SSH1: variants seen among roughly 807,000 people sequenced by gnomAD.
SSH1 encodes the protein protein phosphatase Slingshot homolog 1.
Under a neutral mutation model 79.7 loss-of-function variants are expected in SSH1, and 43 were observed. That is an observed-to-expected ratio of 0.54 (90% CI 0.42 to 0.70). The LOEUF is 0.70. Among genes scored for constraint, SSH1 ranks in the 30% least tolerant of loss-of-function variants. The probability of loss-of-function intolerance (pLI) is 0.00; values close to 1 mark genes in which losing one functional copy is unlikely to be tolerated. For synonymous variants in SSH1, 599 were observed against 538.3 expected (o/e 1.11, Z -1.56); for missense variants, 1,206 against 1,358.8 (o/e 0.89, Z 1.77).
intron 2 of SSH1, chr12:108,827,185 C>T: frequency 7.1e-7 from 1 of 1,403,150 alleles, no homozygotes. Context: ...AACCCCAGGC[C>T]CCCAAAATAT....
chr12:108,836,214 A>G (rs570663969), intron 2 of SSH1, among the ~76,000 whole-genome samples: 1 of 152,178 alleles, frequency 6.6e-6, no homozygotes, highest in East Asian at 1.9e-4. Flanking sequence ...TGAAGGTACC[A>G]GTCTGAACTC....
intron 2 of SSH1, among the ~76,000 whole-genome samples, chr12:108,824,928 C>T (rs943051788): frequency 6.6e-6 from 1 of 152,102 alleles, no homozygotes; most frequent in Admixed American, 6.6e-5. Flanking sequence ...TTAACAACGG[C>T]TTTGCGGGAG....
intron 2 of SSH1, among the ~76,000 whole-genome samples, chr12:108,831,680 C>G (rs1289982896): frequency 6.6e-6 from 1 of 152,182 alleles, no homozygotes; most frequent in African/African-American, 2.4e-5. Flanking sequence ...AACAGAGAGG[C>G]ATAAGGGGCA....
At chr12:108,810,582 T>G (rs58980342) in intron 6 of SSH1, among the ~76,000 whole-genome samples, 5,863 of 152,230 alleles carry the variant, frequency 0.039, 241 homozygotes, top group East Asian at 0.22. Context: ...AATATCCCCA[T>G]AACCCCATCA....
At chr12:108,815,100 G>A (rs1406102534) in intron 5 of SSH1, among the ~76,000 whole-genome samples, 1 of 152,182 alleles carries the variant, frequency 6.6e-6, no homozygotes, top group Non-Finnish European at 1.5e-5. Context: ...TGAGCAAGGT[G>A]GTGTACAGGA....
chr12:108,842,128 CAAAAA>C (rs1397683167), intron 2 of SSH1, among the ~76,000 whole-genome samples: 3 of 151,628 alleles, frequency 2.0e-5, no homozygotes, highest in African/African-American at 7.3e-5. Context: ...GACTCTGTCT[CAAAAA>C]GAAGAAAAGA....
intron 2 of SSH1, among the ~76,000 whole-genome samples, chr12:108,845,197 GAA>G (rs532428327): frequency 2.5e-4 from 15 of 59,814 alleles, no homozygotes; most frequent in African/African-American, 3.6e-4. Context: ...CAACAGAGCA[GAA>G]AAAAAAAAAA....
rs926688703 is a variant in SSH1 at position 108,852,576 on chromosome 12, C to A, written c.110+62G>T. On this transcript the variant is annotated intron_variant, in intron 2 of 14. Transcript: ENST00000326495. ...GAACGTTTTCCCTTTGGGAGAGGAA[C>A]AAGAGCATTCCTTACCTGCTTGGGA... 3 of 1,598,878 alleles carry A rather than the reference C, an allele frequency of 1.9e-6. No individual in the cohort carries two copies. In the African/African-American group the frequency reaches 4.0e-5, roughly 21 times the overall value.
In SSH1 at chr12:108,809,769, AAC is replaced by A. The variant is rs1320039647; in HGVS notation, c.471-13_471-12del. 1 of 1,612,752 alleles carries A rather than the reference AAC, an allele frequency of 6.2e-7. No homozygotes were observed. Among genetic ancestry groups the A allele is most frequent in the African/African-American group, 1.3e-5 (1 of 74,978 alleles). ...CTCACGCTGAACCCACTGAGAATAA[AAC>A]ACAGAGAGAAAGGTATCTGTGGTGA... On this transcript the variant is annotated splice_polypyrimidine_tract_variant and intron_variant, in intron 6 of 14. Coordinates refer to ENST00000326495, the MANE Select transcript of SSH1 (RefSeq NM_018984.4).
intron 10 of SSH1, 100 bp from the exon 11 acceptor site, chr12:108,802,468 A>G: frequency 9.4e-7 from 1 of 1,064,766 alleles, no homozygotes; most frequent in Non-Finnish European, 1.4e-6. Flanking sequence ...GTGAGGTCTT[A>G]TTTCATGGCC....
intron 2 of SSH1, among the ~76,000 whole-genome samples, chr12:108,841,636 C>T (rs763346030): frequency 1.5e-4 from 23 of 151,356 alleles, no homozygotes; most frequent in Non-Finnish European, 2.8e-4. Context: ...GGTGAAACCC[C>T]GTCTCTACTA....
chr12:108,821,361 G>A (rs1409856869), intron 3 of SSH1, among the ~76,000 whole-genome samples: 1 of 151,676 alleles, frequency 6.6e-6, no homozygotes, highest in Non-Finnish European at 1.5e-5. Context: ...GCCACTGCAC[G>A]CCAGCCTGGG....
Position 108,788,413 on chromosome 12 carries a change from T to G in SSH1, c.2725A>C (p.Ser909Arg). The part of the protein sequence containing the change: ...PPFFYRLDHT[S>R]SFSKDFLKTI... ...TTCAGAAAGTCTTTTGAGAAACTACTGGTGTGGTCCAGGCGGTAGAAGAAA... is the reference window on the plus strand; with the variant it reads ...TTCAGAAAGTCTTTTGAGAAACTACGGGTGTGGTCCAGGCGGTAGAAGAAA... Residue 909 changes from serine to arginine, a missense_variant, in exon 15 of 15, where the codon AGT becomes CGT. By Grantham distance (110) the Ser-to-Arg change is moderately radical. Transcript: ENST00000326495. 6.2e-7 allele frequency: 1 copy of G among 1,607,560 alleles called. No individual in the cohort carries two copies. Among genetic ancestry groups the G allele is most frequent in the Middle Eastern group, 1.7e-4 (1 of 6,028 alleles).
At chr12:108,820,396 C>T (rs930743476) in intron 3 of SSH1, among the ~76,000 whole-genome samples, 7 of 152,184 alleles carry the variant, frequency 4.6e-5, no homozygotes, top group African/African-American at 9.7e-5. Flanking sequence ...TGCAACACAA[C>T]GACAACGACC....
chr12:108,831,864 C>T (rs1443026296), intron 2 of SSH1, among the ~76,000 whole-genome samples: 9 of 152,098 alleles, frequency 5.9e-5, no homozygotes, highest in Non-Finnish European at 1.5e-5. Flanking sequence ...CTTGATCATC[C>T]CTGAGTGAAC....
chr12:108,818,966 C>CTGT (rs1181321177), intron 3 of SSH1, among the ~76,000 whole-genome samples: 1 of 152,180 alleles, frequency 6.6e-6, no homozygotes, highest in African/African-American at 2.4e-5. Context: ...GTTGGCCAGG[C>CTGT]TGGTCTCGAA....
At chr12:108,832,926 G>C (rs2038508868) in intron 2 of SSH1, among the ~76,000 whole-genome samples, 1 of 152,148 alleles carries the variant, frequency 6.6e-6, no homozygotes, top group Non-Finnish European at 1.5e-5. Context: ...GTTATACTTA[G>C]GGAAAGGGGT....
chr12:108,784,480 G>A lies in SSH1; in HGVS notation c.*3508C>T, dbSNP rs1287340203. 1 of 152,244 alleles carries A rather than the reference G, an allele frequency of 6.6e-6. No individual in the cohort carries two copies. The highest frequency in any genetic ancestry group is 2.4e-5 in the African/African-American group (1 of 41,454). The allele number at this position is 152,244 out of a possible 1,614,324, so 9.4% of individuals were successfully genotyped here. ...CAGCAGAGAGCTATTCAACAGCCCA[G>A]AGGTTGGCTGGGGTCCCTGCATGGA... On this transcript the variant is annotated 3_prime_UTR_variant, in exon 15 of 15. Coordinates refer to ENST00000326495, the MANE Select transcript of SSH1 (RefSeq NM_018984.4).
intron 13 of SSH1, among the ~76,000 whole-genome samples, chr12:108,795,530 C>T (rs1593016959): frequency 6.6e-6 from 1 of 151,900 alleles, no homozygotes; most frequent in East Asian, 1.9e-4. Context: ...GCTGGGATTA[C>T]AGCGCCTGAC....
Sources: gnomAD v4.1 joint callset for allele counts (sites outside exome capture counted in the v4.1 genomes callset) on GRCh38, gnomAD v4.1.1 for gene constraint, MANE v1.5 for transcripts, NCBI Gene and HGNC (gene_info 2026-07-23, HGNC 2026-07-21) for gene names.